The following PMP22 variants were observed in gnomAD, a reference collection of about 807,000 sequenced individuals.
The protein encoded by PMP22 is peripheral myelin protein 22.
In PMP22, 2 loss-of-function variants were observed where a neutral mutation model predicts 18.9. That is an observed-to-expected ratio of 0.11 (90% CI 0.04 to 0.33). PMP22 has a LOEUF of 0.33. PMP22 is among the 10% of genes least tolerant of loss of function. The pLI, the probability that PMP22 is intolerant of heterozygous loss-of-function variation, is 1.00. For synonymous variants in PMP22, 95 were observed against 89.2 expected, an observed-to-expected ratio of 1.07 and a Z score of -0.37; for missense variants, 169 against 202.2, an observed-to-expected ratio of 0.84 and a Z score of 1.00.
At chr17:15,249,757 CG>C (rs1031273094) in intron 3 of PMP22, among the ~76,000 whole-genome samples, 1 of 152,046 alleles carries the variant, frequency 6.6e-6, no homozygotes, top group Non-Finnish European at 1.5e-5. Context: ...AGAGGAGAGA[CG>C]GGGGTCACCC....
chr17:15,241,880 G>A (rs1907350642), intron 3 of PMP22, among the ~76,000 whole-genome samples: 1 of 152,116 alleles, frequency 6.6e-6, no homozygotes, highest in South Asian at 2.1e-4. Flanking sequence ...GAAGAAGATG[G>A]TTTTCAACCA....
At chr17:15,240,724 G>T (rs1439320052) in intron 3 of PMP22, among the ~76,000 whole-genome samples, 1 of 152,182 alleles carries the variant, frequency 6.6e-6, no homozygotes, top group Non-Finnish European at 1.5e-5. Flanking sequence ...GCCACAGAAT[G>T]CTGGGGGCAG....
At chr17:15,234,160 G>C (rs188711546) in intron 4 of PMP22, among the ~76,000 whole-genome samples, 7 of 152,232 alleles carry the variant, frequency 4.6e-5, no homozygotes, top group African/African-American at 7.2e-5. Flanking sequence ...CCAAATGCAG[G>C]ATTCAGTAGA....
chr17:15,231,667 G>A (rs1224369305), intron 4 of PMP22, among the ~76,000 whole-genome samples: 1 of 152,232 alleles, frequency 6.6e-6, no homozygotes, highest in Middle Eastern at 3.2e-3. Flanking sequence ...AATGTGTGGA[G>A]AGGGAAAAAG....
chr17:15,259,020 G>T, intron 3 of PMP22, 74 bp downstream of exon 3: 2 of 1,117,680 alleles, frequency 1.8e-6, no homozygotes, highest in African/African-American at 1.5e-5. Flanking sequence ...TCCAATAAGC[G>T]TTTCCAGCTC....
At chr17:15,260,563 C>G (rs1363142281) in intron 2 of PMP22, 87 bp downstream of exon 2, 1 of 1,111,926 alleles carries the variant, frequency 9.0e-7, no homozygotes, top group East Asian at 2.6e-5. Flanking sequence ...CTGCAAATAA[C>G]ACAGTCCTGA....
At chr17:15,231,141 C>G in intron 4 of PMP22, 61 bp from the exon 5 acceptor site, 1 of 1,524,774 alleles carries the variant, frequency 6.6e-7, no homozygotes, top group Non-Finnish European at 9.1e-7. Flanking sequence ...GCCCCCTCTC[C>G]GCCACCCCGG....
chr17:15,250,815 T>C (rs1452254539), intron 3 of PMP22, among the ~76,000 whole-genome samples: 1 of 152,188 alleles, frequency 6.6e-6, no homozygotes, highest in Non-Finnish European at 1.5e-5. Flanking sequence ...CGTGAGCTGT[T>C]TGTATTCTTA....
intron 3 of PMP22, among the ~76,000 whole-genome samples, chr17:15,241,525 A>T (rs528226075): frequency 6.6e-6 from 1 of 152,248 alleles, no homozygotes; most frequent in East Asian, 1.9e-4. Context: ...TCCTTCTCCA[A>T]TCCTGAGATA....
Position 15,258,651 on chromosome 17 carries a change from G to A in PMP22, c.178+443C>T, listed in dbSNP as rs1174037266. 7.8e-6 allele frequency: 2 copies of A among 256,200 alleles called. No homozygotes were observed. The highest frequency in any genetic ancestry group is 1.7e-4 in the East Asian group (2 of 11,650). The allele number at this position is 256,200 out of a possible 1,614,324, so 15.9% of individuals were successfully genotyped here. On this transcript the variant is annotated intron_variant, in intron 3 of 4. Coordinates refer to ENST00000312280, the MANE Select transcript of PMP22 (RefSeq NM_000304.4). This position sits in a 1 kb window ranked among gnomAD's most constrained non-coding sequence, Gnocchi z 4.1. ...CAGCCAGTCTTGTGTCCATGTAACT[G>A]ACGGTGCAGTGAGCTAGCCCCACTG...
At chr17:15,241,810 T>A (rs1192890311) in intron 3 of PMP22, among the ~76,000 whole-genome samples, 1 of 152,192 alleles carries the variant, frequency 6.6e-6, no homozygotes, top group East Asian at 1.9e-4. Context: ...TCAATGAGCA[T>A]TTGTTGAATA....
intron 3 of PMP22, among the ~76,000 whole-genome samples, chr17:15,245,834 G>A (rs1049664185): frequency 1.3e-5 from 2 of 151,308 alleles, no homozygotes; most frequent in South Asian, 2.1e-4. Flanking sequence ...GTGAAAACCC[G>A]TCTCTACTAA....
In PMP22 at chr17:15,239,449, G is replaced by A. The variant is rs766554309; in HGVS notation, c.319+22C>T. 1.9e-6 allele frequency: 3 copies of A among 1,613,882 alleles called. No homozygotes were observed. The Admixed American group carries it at 5.0e-5, about 27-fold the overall frequency. ...CTTGGATGCACCCCGCTTCCACATG[G>A]ACTTTACCATCCACAACTTACCAGC... is the stretch of plus-strand genomic sequence containing the variant. On this transcript the variant is annotated intron_variant, in intron 4 of 4. Coordinates refer to ENST00000312280, the MANE Select transcript of PMP22 (RefSeq NM_000304.4).
At chr17:15,264,193 A>AGT (rs1307399169) in intron 1 of PMP22, among the ~76,000 whole-genome samples, 1 of 151,894 alleles carries the variant, frequency 6.6e-6, no homozygotes, top group Non-Finnish European at 1.5e-5. Context: ...TCTGCACTAA[A>AGT]GTAGCTTGTA....
intron 3 of PMP22, among the ~76,000 whole-genome samples, chr17:15,256,680 T>C (rs1908858891): frequency 6.6e-6 from 1 of 152,224 alleles, no homozygotes; most frequent in South Asian, 2.1e-4. Context: ...ACTTAACAAG[T>C]ATTTTTTTTC....
chr17:15,231,265 G>C (rs1177988036), intron 4 of PMP22, among the ~76,000 whole-genome samples, 185 bp from the exon 5 acceptor site: 1 of 152,168 alleles, frequency 6.6e-6, no homozygotes, highest in Non-Finnish European at 1.5e-5. Flanking sequence ...AAAACAACTT[G>C]CTCTCTATTT....
Position 15,245,046 on chromosome 17 carries a change from T to C in PMP22, c.179-5435A>G, listed in dbSNP as rs368290888. On this transcript the variant is annotated intron_variant, in intron 3 of 4. Transcript: ENST00000312280. ...CATGCCCAGGAAAACAACAAGGGAT[T>C]TTCCTTTCCTCCAGTGCCATTGATC... Among the ~76,000 whole-genome samples, 403 of 152,164 alleles carry C rather than the reference T, an allele frequency of 2.6e-3. 1 individual carries two copies. In the Middle Eastern group the frequency reaches 0.027, roughly 10 times the overall value.
At chr17:15,257,230 C>T (rs988427715) in intron 3 of PMP22, among the ~76,000 whole-genome samples, 5 of 152,230 alleles carry the variant, frequency 3.3e-5, no homozygotes. Context: ...GCTTCTAGCA[C>T]CAACTGACAG....
At chr17:15,255,900 C>T (rs942880624) in intron 3 of PMP22, among the ~76,000 whole-genome samples, 1 of 152,166 alleles carries the variant, frequency 6.6e-6, no homozygotes, top group Non-Finnish European at 1.5e-5. Context: ...GAGTGATTCA[C>T]CCTTCCATAT....
Sources: allele counts gnomAD v4.1 joint callset (sites outside exome capture counted in the v4.1 genomes callset), GRCh38; gene constraint gnomAD v4.1.1; non-coding constraint Gnocchi (gnomAD v3.1); transcripts MANE v1.5; gene names NCBI Gene and HGNC (gene_info 2026-07-23, HGNC 2026-07-21).